CADM2: variants seen among roughly 807,000 people sequenced by gnomAD.
CADM2 encodes the protein immunoglobulin superfamily member 4D.
CADM2 carries 12 observed loss-of-function variants against 49.8 expected under a neutral mutation model. That is an observed-to-expected ratio of 0.24 (90% confidence interval 0.15 to 0.39). The LOEUF is 0.39. Among genes scored for constraint, CADM2 ranks in the 10% least tolerant of loss-of-function variants. The probability of loss-of-function intolerance (pLI) is 1.00; values close to 1 mark genes in which losing one functional copy is unlikely to be tolerated. For missense variants in CADM2, 378 were observed against 492.3 expected (o/e 0.77, Z 2.20); for synonymous variants, 214 against 175.4 (o/e 1.22, Z -1.74).
chr3:85,245,117 C>T (rs1266255103), intron 1 of CADM2, among the ~76,000 whole-genome samples: 2 of 152,056 alleles, frequency 1.3e-5, no homozygotes, highest in Non-Finnish European at 2.9e-5. Context: ...AACAGAATTG[C>T]CATGTGAACC....
At chr3:85,739,141 A>T (rs2068272654) in intron 2 of CADM2, among the ~76,000 whole-genome samples, 1 of 152,132 alleles carries the variant, frequency 6.6e-6, no homozygotes, top group African/African-American at 2.4e-5. Flanking sequence ...CATAATGGAA[A>T]GGAAGTTTGC....
chr3:85,020,766 G>GGT (rs913835031), intron 1 of CADM2, among the ~76,000 whole-genome samples: 66 of 148,638 alleles, frequency 4.4e-4, no homozygotes, highest in African/African-American at 1.2e-3. Flanking sequence ...GTGTGTGTAT[G>GGT]GTGTGTGTGT....
At chr3:85,347,642 T>C (rs867777870) in intron 1 of CADM2, among the ~76,000 whole-genome samples, 1 of 54,108 alleles carries the variant, frequency 1.8e-5, no homozygotes, top group Non-Finnish European at 4.8e-5. Flanking sequence ...TATATATACA[T>C]ATATATATAT....
intron 1 of CADM2, among the ~76,000 whole-genome samples, chr3:85,464,484 T>TA (rs1477716373): frequency 6.6e-6 from 1 of 152,134 alleles, no homozygotes; most frequent in Non-Finnish European, 1.5e-5. Flanking sequence ...AATATAGAAG[T>TA]AAAGGCACAT....
intron 1 of CADM2, among the ~76,000 whole-genome samples, chr3:85,592,545 T>G (rs1412156340): frequency 6.6e-6 from 1 of 152,002 alleles, no homozygotes; most frequent in East Asian, 1.9e-4. Flanking sequence ...AATTTAACTG[T>G]TTTTCATGGT....
At chr3:85,615,007 T>C (rs1337238215) in intron 1 of CADM2, among the ~76,000 whole-genome samples, 1 of 152,016 alleles carries the variant, frequency 6.6e-6, no homozygotes, top group Non-Finnish European at 1.5e-5. Flanking sequence ...ATGAAGTGTG[T>C]AGCATTGCTT....
intron 1 of CADM2, among the ~76,000 whole-genome samples, chr3:85,331,537 A>G (rs1289447245): frequency 6.6e-6 from 1 of 151,616 alleles, no homozygotes; most frequent in Non-Finnish European, 1.5e-5. Context: ...AGTCACTTTT[A>G]GATTGGCCTT....
intron 1 of CADM2, chr3:85,511,908 G>A (rs2040634128): frequency 2.1e-6 from 2 of 969,258 alleles, no homozygotes; most frequent in African/African-American, 3.5e-5. Context: ...GGTAAAACAA[G>A]AAAAAGTGGT....
chr3:85,836,555 C>T (rs2074417506), intron 3 of CADM2, among the ~76,000 whole-genome samples: 1 of 151,512 alleles, frequency 6.6e-6, no homozygotes, highest in South Asian at 2.1e-4. Flanking sequence ...CACCTCTTAA[C>T]TATATGACAA....
intron 1 of CADM2, among the ~76,000 whole-genome samples, chr3:85,383,488 C>A (rs1007276684): frequency 1.4e-5 from 2 of 141,338 alleles, no homozygotes; most frequent in Non-Finnish European, 3.1e-5. Flanking sequence ...TAATATAATA[C>A]TTTATACATA....
intron 1 of CADM2, among the ~76,000 whole-genome samples, chr3:85,689,962 G>A (rs1233924549): frequency 6.6e-6 from 1 of 152,184 alleles, no homozygotes; most frequent in Non-Finnish European, 1.5e-5. Flanking sequence ...ATTGGAAGGT[G>A]CAGCTTTTGG....
At chr3:85,941,963 C>T (rs988620306) in intron 7 of CADM2, among the ~76,000 whole-genome samples, 21 of 152,050 alleles carry the variant, frequency 1.4e-4, no homozygotes, top group Non-Finnish European at 2.4e-4. Context: ...CTGCTGTAAT[C>T]GTTTCAATTT....
chr3:85,366,194 A>G (rs944477580), intron 1 of CADM2, among the ~76,000 whole-genome samples: 2 of 152,212 alleles, frequency 1.3e-5, no homozygotes, highest in African/African-American at 4.8e-5. Context: ...AATTTTTGCA[A>G]ATAGCCACAG....
chr3:85,559,687 C>CACACACAT (rs1335331798), intron 1 of CADM2, among the ~76,000 whole-genome samples: 3 of 49,428 alleles, frequency 6.1e-5, no homozygotes, highest in South Asian at 5.6e-4. Flanking sequence ...CACACACACA[C>CACACACAT]ATATATATAT....
At chr3:85,415,969 G>T (rs932888597) in intron 1 of CADM2, among the ~76,000 whole-genome samples, 1 of 152,032 alleles carries the variant, frequency 6.6e-6, no homozygotes, top group Non-Finnish European at 1.5e-5. Flanking sequence ...CAACATCATA[G>T]TAATGCCAAT....
At chr3:85,771,492 A>C (rs1037832661) in intron 2 of CADM2, among the ~76,000 whole-genome samples, 3 of 152,098 alleles carry the variant, frequency 2.0e-5, no homozygotes, top group Non-Finnish European at 4.4e-5. Context: ...TATCTCCCTG[A>C]TATTATTCGT....
intron 5 of CADM2, among the ~76,000 whole-genome samples, chr3:85,905,641 A>C (rs1445062165): frequency 6.6e-6 from 1 of 152,138 alleles, no homozygotes; most frequent in South Asian, 2.1e-4. Flanking sequence ...GAAGGGAGAG[A>C]AAGAATGAAC....
chr3:85,452,439 A>G (rs927691781), intron 1 of CADM2, among the ~76,000 whole-genome samples: 10 of 152,054 alleles, frequency 6.6e-5, no homozygotes, highest in African/African-American at 1.9e-4. Context: ...AATATCCTCA[A>G]AAGCTATATA....
At chr3:85,260,111 A>C (rs562708038) in intron 1 of CADM2, among the ~76,000 whole-genome samples, 1 of 152,252 alleles carries the variant, frequency 6.6e-6, no homozygotes, top group African/African-American at 2.4e-5. Context: ...AGAATATAAT[A>C]ATCTCTGCAA....
Sources: allele counts gnomAD v4.1 joint callset (sites outside exome capture counted in the v4.1 genomes callset), GRCh38; gene constraint gnomAD v4.1.1; transcripts MANE v1.5; gene names NCBI Gene and HGNC (gene_info 2026-07-23, HGNC 2026-07-21).